DLG5: variants seen among roughly 807,000 people sequenced by gnomAD.
DLG5 encodes the protein disks large homolog 5.
A neutral mutation model predicts 189.8 loss-of-function variants in DLG5; 48 were observed. The observed-to-expected ratio is 0.25, with a 90% CI of 0.20 to 0.32. The LOEUF is 0.32. DLG5 is among the 10% of genes least tolerant of loss of function. The pLI is 1.00. For missense variants in DLG5, 2,160 were observed against 2,544.7 expected (o/e 0.85, Z 3.25); for synonymous variants, 1,016 against 1,054.1 (o/e 0.96, Z 0.70).
chr10:77,919,023 CTGGCCAAGA>C (rs1846456164), intron 1 of DLG5, among the ~76,000 whole-genome samples: 2 of 152,108 alleles, frequency 1.3e-5, no homozygotes, highest in Admixed American at 1.3e-4. Context: ...CGAGACCAGC[CTGGCCAAGA>C]TGGCAAAATC....
At chr10:77,858,853 T>C (rs996553155) in intron 2 of DLG5, among the ~76,000 whole-genome samples, 2 of 152,152 alleles carry the variant, frequency 1.3e-5, no homozygotes, top group African/African-American at 4.8e-5. Flanking sequence ...AGCTGTACAA[T>C]GTGTTTGTGT....
chr10:77,864,414 G>C (rs1844592745), intron 2 of DLG5, among the ~76,000 whole-genome samples: 2 of 152,180 alleles, frequency 1.3e-5, no homozygotes, highest in Non-Finnish European at 2.9e-5. Context: ...TACAACTCAG[G>C]ACACCCAGAG....
intron 8 of DLG5, among the ~76,000 whole-genome samples, chr10:77,835,260 C>T (rs1296040870): frequency 6.6e-6 from 1 of 152,128 alleles, no homozygotes; most frequent in African/African-American, 2.4e-5. Context: ...CCTCCCCACA[C>T]CCCAGGGAGC....
rs375914642 is a variant in DLG5 at position 77,812,016 on chromosome 10, C to T, written c.4230G>A (p.Ala1410=). ...INLRSATEQQ[A]RLIIGQQCDT... is the part of the protein sequence containing the mutation. ...CACACTGCTGCCCGATGATGAGCCG[C>T]GCCTGCTGCTCCGTGGCGCTCCGCA... The change falls in exon 22 of 32, where the codon GCG becomes GCA. Residue 1410 remains alanine, a synonymous_variant. Transcript: ENST00000372391. The T allele has an allele frequency of 1.1e-5, 18 of 1,611,152 alleles. No individual in the cohort carries two copies. The highest frequency in any genetic ancestry group is 4.0e-5 in the African/African-American group (3 of 74,916).
Position 77,806,747 on chromosome 10 carries a change from A to C in DLG5, c.4967+11T>G. 1.6e-6 allele frequency: 1 copy of C among 627,624 alleles called. No homozygotes were observed. The highest frequency in any genetic ancestry group is 2.8e-6 in the Non-Finnish European group (1 of 359,318). The allele number at this position is 627,624 out of a possible 1,614,324, so 38.9% of individuals were successfully genotyped here. ...CTGCCCCACCCCACCCCAGGCCCGG[A>C]GAACACTTACACATATTTGCTGGGA... On this transcript the variant is annotated intron_variant, in intron 26 of 31. Transcript: ENST00000372391.
At chr10:77,821,057 C>T (rs377407265) in intron 15 of DLG5, 25 bp downstream of exon 15, 2 of 1,577,274 alleles carry the variant, frequency 1.3e-6, no homozygotes, top group African/African-American at 1.3e-5. Flanking sequence ...GCCTCCCCTC[C>T]CCACACCCTG....
At chr10:77,931,857 G>A in the DLG5 span, among the ~76,000 whole-genome samples, 20 of 152,232 alleles carry the variant, frequency 1.3e-4, no homozygotes, top group East Asian at 1.4e-3. Context: ...TGTACTTCCC[G>A]GAGCCTCAAT....
Position 77,817,015 on chromosome 10 carries a change from G to A in DLG5, c.3866C>T (p.Ser1289Phe), listed in dbSNP as rs2154575471. The A allele has an allele frequency of 1.2e-6, 2 of 1,613,980 alleles. No homozygotes were observed. The highest frequency in any genetic ancestry group is 2.2e-5 in the South Asian group (2 of 91,062). ...TGTCGAGAAGTCCTTACCTCTCTCG[G>A]AGCCCACGACACTCCGCGGATATCT... ...TPRYPRSVVG[S>F]ERGSVSHSEC... Residue 1289 changes from serine to phenylalanine, a missense_variant, in exon 19 of 32, where the codon TCC becomes TTC. Physicochemically the swap from Ser to Phe is radical, Grantham distance 155. Transcript: ENST00000372391.
intron 2 of DLG5, among the ~76,000 whole-genome samples, chr10:77,857,538 A>T (rs1400173234): frequency 6.6e-6 from 1 of 152,160 alleles, no homozygotes; most frequent in East Asian, 1.9e-4. Context: ...ACGCAATTCA[A>T]GTTGGTCCTG....
At chr10:77,844,368 C>G (rs1030641618) in intron 5 of DLG5, among the ~76,000 whole-genome samples, 9 of 152,336 alleles carry the variant, frequency 5.9e-5, no homozygotes, top group Non-Finnish European at 8.8e-5. Context: ...ACGCGCCTTT[C>G]CCCCTTTGCC....
intron 5 of DLG5, among the ~76,000 whole-genome samples, chr10:77,852,358 G>A (rs939095231): frequency 4.6e-5 from 7 of 151,928 alleles, no homozygotes; most frequent in Admixed American, 2.6e-4. Context: ...GCGACAGAGC[G>A]AACTCTGTCT....
rs1840684396 is a variant in DLG5 at position 77,792,436 on chromosome 10, TCTC to T, written c.*1_*3del. The T allele has an allele frequency of 1.9e-6, 3 of 1,613,830 alleles. No homozygotes were observed. The highest frequency in any genetic ancestry group is 1.1e-5 in the South Asian group (1 of 91,084). ...GCTGCAGTCATCCACAGCACAGCAT[TCTC>T]CTAGAGCGGGCAGGCTGGAATCCAC... On this transcript the variant is annotated 3_prime_UTR_variant, in exon 32 of 32. Coordinates refer to ENST00000372391, the MANE Select transcript of DLG5 (RefSeq NM_004747.4).
chr10:77,917,974 T>C (rs1397683510), intron 1 of DLG5, among the ~76,000 whole-genome samples: 1 of 149,894 alleles, frequency 6.7e-6, no homozygotes, highest in Non-Finnish European at 1.5e-5. Flanking sequence ...GCCGAGATCA[T>C]GCCATTGTAC....
At chr10:77,876,736 G>C (rs146400755) in intron 1 of DLG5, among the ~76,000 whole-genome samples, 3,873 of 28,388 alleles carry the variant, frequency 0.14, 230 homozygotes, top group African/African-American at 0.32. Context: ...GGAAGGAAGG[G>C]AAGGAAGGAA....
chr10:77,835,687 C>T, intron 8 of DLG5, 51 bp downstream of exon 8: 1 of 1,547,650 alleles, frequency 6.5e-7, no homozygotes, highest in Non-Finnish European at 8.7e-7. Context: ...CTAGCAGGTC[C>T]CCTCATCCTG....
intron 1 of DLG5, among the ~76,000 whole-genome samples, chr10:77,890,496 A>G (rs575923420): frequency 3.6e-4 from 55 of 152,108 alleles, no homozygotes; most frequent in Non-Finnish European, 6.3e-4. Context: ...CCTCCTCTAT[A>G]ATGGCACACA....
chr10:77,837,214 CAAAAAAAAAAAAAAA>C (rs10531052), intron 7 of DLG5, among the ~76,000 whole-genome samples: 1 of 69,712 alleles, frequency 1.4e-5, no homozygotes, highest in Admixed American at 2.0e-4. Flanking sequence ...GACTCGGTCT[CAAAAAAAAAAAAAAA>C]AAAAAAAAAA....
At chr10:77,828,518 G>C (rs901300450) in intron 13 of DLG5, among the ~76,000 whole-genome samples, 1 of 137,072 alleles carries the variant, frequency 7.3e-6, no homozygotes, top group African/African-American at 2.8e-5. Flanking sequence ...AAAGTTAATA[G>C]AGGTTATCTA....
chr10:77,824,335 C>A, intron 14 of DLG5, 49 bp downstream of exon 14: 1 of 1,420,836 alleles, frequency 7.0e-7, no homozygotes, highest in Non-Finnish European at 9.9e-7. Flanking sequence ...GGAGCCGGGG[C>A]TCTGCCCATA....
Sources: gnomAD v4.1 joint callset for allele counts (sites outside exome capture counted in the v4.1 genomes callset) on GRCh38, gnomAD v4.1.1 for gene constraint, MANE v1.5 for transcripts, NCBI Gene and HGNC (gene_info 2026-07-23, HGNC 2026-07-21) for gene names.